UACA: variants seen among roughly 807,000 people sequenced by gnomAD.
UACA encodes the protein uveal autoantigen with coiled-coil domains and ankyrin repeats.
A neutral mutation model predicts 160.5 loss-of-function variants in UACA; 112 were observed. The observed-to-expected ratio is 0.70, with a 90% CI of 0.60 to 0.82. The LOEUF is 0.82. Among genes scored for constraint, UACA ranks in the 40% least tolerant of loss-of-function variants. The pLI, the probability that UACA is intolerant of heterozygous loss-of-function variation, is 0.00. For synonymous variants in UACA, 557 were observed against 568.4 expected, an observed-to-expected ratio of 0.98 and a Z score of 0.29; for missense variants, 1,574 against 1,614.6, an observed-to-expected ratio of 0.97 and a Z score of 0.43.
chr15:70,658,965 T>C (rs1436340546), intron 18 of UACA, among the ~76,000 whole-genome samples: 1 of 152,206 alleles, frequency 6.6e-6, no homozygotes, highest in Non-Finnish European at 1.5e-5. Flanking sequence ...CGGAAGTGCA[T>C]ATTATACAAA....
upstream of UACA, among the ~76,000 whole-genome samples, chr15:70,765,940 T>C (rs549462245): frequency 2.0e-5 from 3 of 152,358 alleles, no homozygotes; most frequent in South Asian, 2.1e-4. Flanking sequence ...TGCAGTGTTA[T>C]GTTGTACTGG....
At chr15:70,685,593 T>C (rs1897683619) in intron 7 of UACA, among the ~76,000 whole-genome samples, 1 of 152,088 alleles carries the variant, frequency 6.6e-6, no homozygotes, top group Non-Finnish European at 1.5e-5. Flanking sequence ...GAAACTAAGG[T>C]TATAAATTAT....
intron 1 of UACA, among the ~76,000 whole-genome samples, chr15:70,711,579 C>A (rs1176774201): frequency 2.0e-5 from 3 of 151,692 alleles, no homozygotes; most frequent in Non-Finnish European, 2.9e-5. Flanking sequence ...ACTCAACATT[C>A]AAATATGTAT....
At chr15:70,740,652 A>G (rs949380463) in intron 1 of UACA, among the ~76,000 whole-genome samples, 5 of 151,816 alleles carry the variant, frequency 3.3e-5, no homozygotes, top group African/African-American at 1.2e-4. Context: ...AAAAAAAAAA[A>G]AAAAAGCCCT....
At chr15:70,674,542 G>T (rs1472459155) in intron 13 of UACA, among the ~76,000 whole-genome samples, 5 of 151,730 alleles carry the variant, frequency 3.3e-5, no homozygotes, top group African/African-American at 4.8e-5. Context: ...TATGACTATT[G>T]TAAGTTATAG....
At position 70,668,642 on chromosome 15, in the gene UACA, T is replaced by G; in HGVS notation, c.2042A>C (p.His681Pro). The G allele has an allele frequency of 1.9e-6, 3 of 1,614,040 alleles. No homozygotes were observed. Among genetic ancestry groups the G allele is most frequent in the Non-Finnish European group, 2.5e-6 (3 of 1,179,962 alleles). ...CTGTTCATGTTCCTCTGGTTTGACG[T>G]GCTGAGCAAGCTTGGCCTTAACATT... ...LENVKAKLAQ[H>P]VKPEEHEQVK... is the part of the protein sequence containing the mutation. Residue 681 changes from histidine (H) to proline (P), a missense_variant, in exon 16 of 19, where the codon CAC becomes CCC. By Grantham distance (77) the His-to-Pro change is moderately conservative. Transcript: ENST00000322954.
intron 1 of UACA, among the ~76,000 whole-genome samples, chr15:70,727,557 C>A (rs118190451): frequency 0.017 from 2,543 of 152,168 alleles, 31 homozygotes; most frequent in Non-Finnish European, 0.024. Flanking sequence ...ACATTAACAA[C>A]CTATTTATAA....
chr15:70,766,775 A>G (rs745910652), upstream of UACA, among the ~76,000 whole-genome samples: 7 of 152,246 alleles, frequency 4.6e-5, no homozygotes, highest in Admixed American at 2.0e-4. Flanking sequence ...AAGGTTGAGT[A>G]TCCATTCAAT....
At chr15:70,715,795 T>C (rs1898804212) in intron 1 of UACA, among the ~76,000 whole-genome samples, 2 of 152,204 alleles carry the variant, frequency 1.3e-5, no homozygotes, top group South Asian at 4.1e-4. Flanking sequence ...TATTTAGATC[T>C]ATAATAAAAA....
chr15:70,664,991 T>C, intron 16 of UACA, 177 bp from the exon 17 acceptor site: 1 of 456,968 alleles, frequency 2.2e-6, no homozygotes, highest in Non-Finnish European at 3.8e-6. Flanking sequence ...AATTTATAAT[T>C]AAATCCCTCT....
intron 11 of UACA, among the ~76,000 whole-genome samples, chr15:70,677,615 A>G (rs1307134445): frequency 6.6e-6 from 1 of 152,210 alleles, no homozygotes; most frequent in African/African-American, 2.4e-5. Context: ...AGTCCTGTAC[A>G]TAATAAAATG....
intron 1 of UACA, among the ~76,000 whole-genome samples, chr15:70,751,468 A>G (rs549717464): frequency 1.4e-4 from 21 of 152,348 alleles, no homozygotes; most frequent in African/African-American, 4.3e-4. Context: ...CAATATAAAC[A>G]TGTATTGAGT....
intron 1 of UACA, among the ~76,000 whole-genome samples, chr15:70,722,979 G>T (rs942781346): frequency 6.6e-6 from 1 of 152,182 alleles, no homozygotes; most frequent in East Asian, 1.9e-4. Context: ...GACAATTTTT[G>T]AGTGAATTTC....
chr15:70,659,395 GTTTTTTTTTTTTTTTTT>G (rs71152307), intron 18 of UACA, among the ~76,000 whole-genome samples: 1 of 18,818 alleles, frequency 5.3e-5, no homozygotes, highest in African/African-American at 1.8e-4. Context: ...TTTTTTGTTT[GTTTTTTTTTTTTTTTTT>G]TTTTTTTTTT....
intron 1 of UACA, among the ~76,000 whole-genome samples, chr15:70,752,252 A>C (rs940704288): frequency 5.9e-5 from 9 of 151,906 alleles, no homozygotes; most frequent in Non-Finnish European, 1.3e-4. Flanking sequence ...AAAAAAAAAA[A>C]AAAAAACTTC....
chr15:70,676,209 A>G (rs930167734), intron 13 of UACA: 18 of 233,854 alleles, frequency 7.7e-5, no homozygotes, highest in African/African-American at 4.0e-4. Context: ...TAGAAATATG[A>G]TGTTTTAAAA....
At chr15:70,723,676 A>C (rs1899060092) in intron 1 of UACA, among the ~76,000 whole-genome samples, 1 of 143,546 alleles carries the variant, frequency 7.0e-6, no homozygotes, top group African/African-American at 2.6e-5. Context: ...TCTGTCGCCC[A>C]GGCTGGAGTC....
At chr15:70,735,187 A>G (rs1179107382) in intron 1 of UACA, among the ~76,000 whole-genome samples, 1 of 140,738 alleles carries the variant, frequency 7.1e-6, no homozygotes, top group Admixed American at 7.6e-5. Flanking sequence ...GGAACAAAAG[A>G]CACTAGAGGG....
chr15:70,735,565 G>C (rs1667394762), intron 1 of UACA, among the ~76,000 whole-genome samples: 2 of 152,048 alleles, frequency 1.3e-5, no homozygotes, highest in Admixed American at 6.5e-5. Flanking sequence ...CCTCCAGCTT[G>C]CTTCTTTTTA....
Sources: allele counts gnomAD v4.1 joint callset (sites outside exome capture counted in the v4.1 genomes callset), GRCh38; gene constraint gnomAD v4.1.1; transcripts MANE v1.5; gene names NCBI Gene and HGNC (gene_info 2026-07-23, HGNC 2026-07-21).